HIVEP3: variants seen among roughly 807,000 people sequenced by gnomAD.
HIVEP3 encodes the protein transcription factor HIVEP3.
HIVEP3 carries 49 observed loss-of-function variants against 152.8 expected under a neutral mutation model. The ratio of observed to expected loss-of-function variants is 0.32; its 90% CI spans 0.26 to 0.41. The LOEUF is 0.41. HIVEP3 is among the 10% of genes least tolerant of loss of function. HIVEP3 has a pLI of 1.00. For missense variants in HIVEP3, 2,790 were observed against 3,103.3 expected (o/e 0.90, Z 2.40); for synonymous variants, 1,269 against 1,289.0 (o/e 0.98, Z 0.33).
intron 1 of HIVEP3, among the ~76,000 whole-genome samples, chr1:41,812,672 C>G (rs993359816): frequency 2.0e-5 from 3 of 151,156 alleles, no homozygotes; most frequent in Admixed American, 2.0e-4. Flanking sequence ...AATACCAAGG[C>G]TGGTAGGGGG....
chr1:41,940,664 T>C (rs1482961044), intron 1 of HIVEP3, among the ~76,000 whole-genome samples: 2 of 151,816 alleles, frequency 1.3e-5, no homozygotes, highest in African/African-American at 4.8e-5. Flanking sequence ...AAGAAACACG[T>C]TGTGTATACG....
intron 2 of HIVEP3, among the ~76,000 whole-genome samples, chr1:41,646,196 A>G (rs1466852506): frequency 2.0e-5 from 3 of 152,126 alleles, no homozygotes; most frequent in African/African-American, 4.8e-5. Context: ...TCCCCAGGAG[A>G]GCAGTGTCTT....
intron 2 of HIVEP3, among the ~76,000 whole-genome samples, chr1:41,652,168 G>A (rs1308112236): frequency 1.3e-5 from 2 of 152,134 alleles, no homozygotes; most frequent in East Asian, 3.8e-4. Context: ...ATAAGAACAC[G>A]CCAGAGTCTG....
intron 1 of HIVEP3, among the ~76,000 whole-genome samples, chr1:41,706,360 C>T (rs1258447741): frequency 1.3e-5 from 2 of 152,218 alleles, no homozygotes; most frequent in African/African-American, 4.8e-5. Flanking sequence ...CAGTTCACTG[C>T]AACCTCTGCC....
intron 1 of HIVEP3, among the ~76,000 whole-genome samples, chr1:41,928,048 G>A (rs1644976717): frequency 8.5e-6 from 1 of 117,166 alleles, no homozygotes; most frequent in East Asian, 2.6e-4. Context: ...GTGACAGGGC[G>A]AGACTCCATC....
chr1:41,902,418 G>A (rs1644640351), intron 1 of HIVEP3, among the ~76,000 whole-genome samples: 1 of 152,122 alleles, frequency 6.6e-6, no homozygotes, highest in East Asian at 1.9e-4. Context: ...TGACCCCAGG[G>A]AGGGTCCTGG....
chr1:41,914,298 C>A (rs1252847004), intron 1 of HIVEP3, among the ~76,000 whole-genome samples: 1 of 152,176 alleles, frequency 6.6e-6, no homozygotes, highest in Non-Finnish European at 1.5e-5. Context: ...AATACCTTTT[C>A]TCCATCATAT....
At chr1:41,846,992 G>A (rs1488716808) in intron 1 of HIVEP3, among the ~76,000 whole-genome samples, 4 of 152,218 alleles carry the variant, frequency 2.6e-5, no homozygotes, top group Admixed American at 1.3e-4. Context: ...GGCAACGGAA[G>A]CCAGAGCCAC....
chr1:41,530,269 C>T (rs954923911), intron 5 of HIVEP3, among the ~76,000 whole-genome samples: 3 of 152,240 alleles, frequency 2.0e-5, no homozygotes, highest in African/African-American at 4.8e-5. Flanking sequence ...TCCGAGAGGA[C>T]GAACTGAAGG....
chr1:41,769,796 T>A (rs767083930), intron 1 of HIVEP3, among the ~76,000 whole-genome samples: 4 of 152,118 alleles, frequency 2.6e-5, no homozygotes, highest in Non-Finnish European at 5.9e-5. Flanking sequence ...AAATAATGTA[T>A]TGAATAAATA....
rs1646567817 is a variant in HIVEP3 at position 41,714,903 on chromosome 1, T to TG, written c.-800-13909dup. Among the ~76,000 whole-genome samples the TG allele has an allele frequency of 3.9e-5, 6 of 152,246 alleles. 1 individual carries two copies. The highest frequency in any genetic ancestry group is 3.9e-4 in the Admixed American group (6 of 15,298). ...TGTATGTGTTTTAAAAGGAGTTTTC[T>TG]GGGGGGAGGTGTTGAGGTTCAGACT... On this transcript the variant is annotated intron_variant, in intron 1 of 8. Coordinates refer to ENST00000372583, the MANE Select transcript of HIVEP3 (RefSeq NM_024503.5).
In HIVEP3 at chr1:41,533,706, G is replaced by A. The variant is rs866752819; in HGVS notation, c.5208-8796C>T. On this transcript the variant is annotated intron_variant, in intron 5 of 8. Transcript: ENST00000372583. The surrounding 1 kb of genome is among the most constrained non-coding windows in gnomAD (Gnocchi z 4.3). ...TTTTTTGCCCACCCTTTCCCATGCC[G>A]ACATGGCCCCTGCCAGCCTCCGACC... 2.6e-5 allele frequency among the ~76,000 whole-genome samples: 4 copies of A among 151,714 alleles called. No individual in the cohort carries two copies. Among genetic ancestry groups the A allele is most frequent in the Middle Eastern group, 3.4e-3 (1 of 294 alleles).
chr1:41,597,498 A>G (rs1644684111), intron 3 of HIVEP3, among the ~76,000 whole-genome samples: 1 of 152,218 alleles, frequency 6.6e-6, no homozygotes, highest in South Asian at 2.1e-4. Context: ...AAATTCACTC[A>G]TTTATTCCTC....
At chr1:41,556,733 T>A (rs1643971690) in intron 5 of HIVEP3, among the ~76,000 whole-genome samples, 1 of 152,242 alleles carries the variant, frequency 6.6e-6, no homozygotes, top group Non-Finnish European at 1.5e-5. Context: ...AGTTCTTCCC[T>A]TATGTTTTCT....
At chr1:41,997,240 G>T (rs1375750703) in intron 1 of HIVEP3, among the ~76,000 whole-genome samples, 1 of 152,230 alleles carries the variant, frequency 6.6e-6, no homozygotes, top group Non-Finnish European at 1.5e-5. Context: ...TAGAGTAGGG[G>T]TCATAGACCC....
intron 1 of HIVEP3, among the ~76,000 whole-genome samples, chr1:42,008,182 A>C (rs1570888265): frequency 6.6e-6 from 1 of 152,186 alleles, no homozygotes; most frequent in East Asian, 1.9e-4. Context: ...CTGAACCCAA[A>C]AGAACAAAAT....
intron 1 of HIVEP3, among the ~76,000 whole-genome samples, chr1:41,831,047 A>G (rs1331114844): frequency 6.6e-6 from 1 of 152,152 alleles, no homozygotes; most frequent in East Asian, 1.9e-4. Flanking sequence ...ATCTGAAGTC[A>G]TCTTGTTCTT....
In HIVEP3 at chr1:41,836,794, G is replaced by A. The variant is rs570512892; in HGVS notation, c.-801+81619C>T. Among the ~76,000 whole-genome samples the A allele has an allele frequency of 1.8e-4, 28 of 152,326 alleles. No homozygotes were observed. The South Asian group carries it at 5.8e-3, about 32-fold the overall frequency. ...CCACCCATGTCTAAACCCCTAGTGA[G>A]TCTGCAGTGGCTCTACTTCCAAAGC... is the stretch of plus-strand genomic sequence containing the variant. On this transcript the variant is annotated intron_variant, in intron 1 of 8. Coordinates refer to ENST00000372583, the MANE Select transcript of HIVEP3 (RefSeq NM_024503.5).
chr1:41,934,549 T>C (rs2124482056), intron 1 of HIVEP3, among the ~76,000 whole-genome samples: 1 of 152,274 alleles, frequency 6.6e-6, no homozygotes, highest in East Asian at 1.9e-4. Flanking sequence ...ACTAGAAGTC[T>C]ACCTTCTTAT....
Sources: gnomAD v4.1 joint callset for allele counts (sites outside exome capture counted in the v4.1 genomes callset) on GRCh38, gnomAD v4.1.1 for gene constraint, Gnocchi (gnomAD v3.1) non-coding constraint, MANE v1.5 for transcripts, NCBI Gene and HGNC (gene_info 2026-07-23, HGNC 2026-07-21) for gene names.